The following IMMP2L variants were observed in gnomAD, a reference collection of about 807,000 sequenced individuals.
IMMP2L encodes the protein mitochondrial inner membrane protease subunit 2.
Under a neutral mutation model 19.3 loss-of-function variants are expected in IMMP2L, and 18 were observed. That is an observed-to-expected ratio of 0.93 (90% confidence interval 0.64 to 1.38). The LOEUF (loss-of-function observed/expected upper bound fraction) is 1.38, where lower values mean the gene tolerates loss of function less well. Among genes scored for constraint, IMMP2L ranks in the 40% most tolerant of loss-of-function variants. The pLI is 0.00. For missense variants in IMMP2L, 233 were observed against 218.2 expected (o/e 1.07, Z -0.43); for synonymous variants, 76 against 73.0 (o/e 1.04, Z -0.21).
intron 4 of IMMP2L, among the ~76,000 whole-genome samples, chr7:110,927,387 T>C (rs1045493259): frequency 1.3e-5 from 2 of 152,206 alleles, no homozygotes; most frequent in African/African-American, 2.4e-5. Context: ...CCGGTGAATA[T>C]GTTACATTAC....
chr7:110,715,957 A>G (rs1392185018), intron 5 of IMMP2L, among the ~76,000 whole-genome samples: 1 of 152,098 alleles, frequency 6.6e-6, no homozygotes, highest in Non-Finnish European at 1.5e-5. Context: ...TTGGGTGCTT[A>G]TATATTTAGG....
At chr7:111,140,079 A>G in intron 3 of IMMP2L, among the ~76,000 whole-genome samples, 1 of 152,184 alleles carries the variant, frequency 6.6e-6, no homozygotes, top group South Asian at 2.1e-4. Flanking sequence ...GACTCAAATT[A>G]AGGAAACCAA....
Position 111,502,422 on chromosome 7 carries a change from G to A in IMMP2L, c.136-15081C>T, listed in dbSNP as rs535760312. ...ATTAGACAGATCAACGAGACAGAAA[G>A]TTAACAAGGATATCCAGGAATTGAA... On this transcript the variant is annotated intron_variant, in intron 2 of 5. Transcript: ENST00000405709. Among the ~76,000 whole-genome samples the A allele has an allele frequency of 2.6e-5, 4 of 152,156 alleles. No homozygotes were observed. In the South Asian group the frequency reaches 8.3e-4, roughly 32 times the overall value.
intron 3 of IMMP2L, among the ~76,000 whole-genome samples, chr7:111,045,921 T>G (rs1412057715): frequency 6.6e-6 from 1 of 151,980 alleles, no homozygotes; most frequent in East Asian, 1.9e-4. Context: ...AATAAAAACC[T>G]CCCACCCAAG....
chr7:110,844,457 CA>C (rs148239709), intron 5 of IMMP2L, among the ~76,000 whole-genome samples: 9 of 151,466 alleles, frequency 5.9e-5, no homozygotes, highest in Middle Eastern at 3.4e-3. Context: ...AAATGGAAAC[CA>C]AAAAAAGTTT....
chr7:111,391,220 G>A (rs984682101), intron 3 of IMMP2L, among the ~76,000 whole-genome samples: 3 of 152,040 alleles, frequency 2.0e-5, no homozygotes, highest in Admixed American at 6.6e-5. Flanking sequence ...AGCATCAGGA[G>A]CAGCTCTCTT....
intron 1 of IMMP2L, among the ~76,000 whole-genome samples, chr7:111,534,471 GA>G (rs1847697003): frequency 6.6e-6 from 1 of 152,028 alleles, no homozygotes; most frequent in Non-Finnish European, 1.5e-5. Flanking sequence ...ATCATAGAAA[GA>G]GGTCAAATAA....
At chr7:111,344,916 C>G (rs1246093361) in intron 3 of IMMP2L, among the ~76,000 whole-genome samples, 5 of 151,962 alleles carry the variant, frequency 3.3e-5, no homozygotes, top group Admixed American at 2.0e-4. Flanking sequence ...CCTAAAGGCA[C>G]CAGGAAGAGG....
intron 3 of IMMP2L, among the ~76,000 whole-genome samples, chr7:111,479,627 T>G (rs555500217): frequency 6.6e-6 from 1 of 152,308 alleles, no homozygotes; most frequent in Non-Finnish European, 1.5e-5. Flanking sequence ...TTCTCCTCGA[T>G]AGCTAAATCT....
chr7:111,136,332 T>C (rs533416350), intron 3 of IMMP2L, among the ~76,000 whole-genome samples: 2 of 152,272 alleles, frequency 1.3e-5, no homozygotes, highest in East Asian at 3.9e-4. Flanking sequence ...AGCCACCCTA[T>C]TACATTTTTT....
intron 4 of IMMP2L, among the ~76,000 whole-genome samples, chr7:110,911,880 A>G (rs1813092365): frequency 6.6e-6 from 1 of 152,136 alleles, no homozygotes; most frequent in Non-Finnish European, 1.5e-5. Context: ...GGGACAGTAA[A>G]TATGTATCAA....
intron 3 of IMMP2L, among the ~76,000 whole-genome samples, chr7:111,186,776 T>G (rs992508094): frequency 1.3e-5 from 2 of 152,004 alleles, no homozygotes; most frequent in Non-Finnish European, 2.9e-5. Context: ...TCAATTTCAG[T>G]ATAAAATCTA....
chr7:111,112,073 G>A (rs1002170901), intron 3 of IMMP2L, among the ~76,000 whole-genome samples: 6 of 148,900 alleles, frequency 4.0e-5, no homozygotes, highest in Non-Finnish European at 7.4e-5. Flanking sequence ...TCAGCCTCCC[G>A]AGTAGCTGGG....
chr7:111,044,320 G>A (rs1350575969), intron 3 of IMMP2L, among the ~76,000 whole-genome samples: 1 of 152,202 alleles, frequency 6.6e-6, no homozygotes, highest in South Asian at 2.1e-4. Context: ...AGAGCTTTGG[G>A]AGGTCAAGGC....
chr7:110,784,502 A>C (rs1033628681), intron 5 of IMMP2L, among the ~76,000 whole-genome samples: 3 of 151,990 alleles, frequency 2.0e-5, no homozygotes, highest in African/African-American at 7.2e-5. Context: ...CACTAAAAGG[A>C]TCTGCCAACA....
At chr7:111,109,653 T>G (rs1218234644) in intron 3 of IMMP2L, among the ~76,000 whole-genome samples, 1 of 152,208 alleles carries the variant, frequency 6.6e-6, no homozygotes, top group African/African-American at 2.4e-5. Context: ...CTCTGAGTTA[T>G]CACCTGTAAA....
chr7:111,395,462 T>C (rs1832769992), intron 3 of IMMP2L, among the ~76,000 whole-genome samples: 1 of 152,198 alleles, frequency 6.6e-6, no homozygotes, highest in African/African-American at 2.4e-5. Context: ...GAGCAAAATT[T>C]CTTTATTTCT....
chr7:111,163,105 C>T (rs1260268150), intron 3 of IMMP2L, among the ~76,000 whole-genome samples: 1 of 152,048 alleles, frequency 6.6e-6, no homozygotes, highest in Non-Finnish European at 1.5e-5. Context: ...ACTGTTTCCT[C>T]AAGGACCTGA....
At chr7:110,968,101 C>A (rs1379919233) in intron 3 of IMMP2L, among the ~76,000 whole-genome samples, 1 of 151,990 alleles carries the variant, frequency 6.6e-6, no homozygotes. Flanking sequence ...TAGAGTCTTG[C>A]TGTTACTATT....
Sources: allele counts gnomAD v4.1 joint callset (sites outside exome capture counted in the v4.1 genomes callset), GRCh38; gene constraint gnomAD v4.1.1; transcripts MANE v1.5; gene names NCBI Gene and HGNC (gene_info 2026-07-23, HGNC 2026-07-21).